Variants in KIR3DL2 observed in about 807,000 individuals in gnomAD.
KIR3DL2 encodes the protein killer cell immunoglobulin-like receptor 3DL2.
Under a neutral mutation model 41.6 loss-of-function variants are expected in KIR3DL2, and 42 were observed. The ratio of observed to expected loss-of-function variants is 1.01; its 90% CI spans 0.79 to 1.31. KIR3DL2 has a LOEUF of 1.31. Ranked by LOEUF, KIR3DL2 falls within the 50% of genes most tolerant of loss-of-function variation. The probability of loss-of-function intolerance (pLI) is 0.00; values close to 1 mark genes in which losing one functional copy is unlikely to be tolerated. For synonymous variants in KIR3DL2, 230 were observed against 221.3 expected, an observed-to-expected ratio of 1.04 and a Z score of -0.35; for missense variants, 728 against 576.8, an observed-to-expected ratio of 1.26 and a Z score of -2.68.
chr19:54,852,322 C>G (rs772262579), intron 3 of KIR3DL2, 40 bp downstream of exon 3: 4 of 1,591,560 alleles, frequency 2.5e-6, no homozygotes, highest in Non-Finnish European at 3.4e-6. Context: ...TGTCCCACCT[C>G]CTGAATCCCA....
In KIR3DL2 at chr19:54,852,033, A is replaced by G. The variant is rs1435731982; in HGVS notation, c.106A>G (p.Ser36Gly). The stretch of plus-strand genomic sequence containing the variant: ...CAAACCCTTCCTGTCTGCCCGGCCC[A>G]GCACTGTGGTGCCTCGAGGAGGACA... The part of the protein sequence containing the change: ...QDKPFLSARP[S>G]TVVPRGGHVA... Residue 36 changes from serine (S) to glycine (G), a missense_variant, in exon 3 of 9, where the codon AGC becomes GGC. Ser to Gly is a moderately conservative substitution (Grantham distance 56). Coordinates refer to ENST00000326321, the MANE Select transcript of KIR3DL2 (RefSeq NM_006737.4). 2.5e-6 allele frequency: 4 copies of G among 1,611,748 alleles called. No homozygotes were observed. The highest frequency in any genetic ancestry group is 3.4e-6 in the Non-Finnish European group (4 of 1,178,822).
chr19:54,852,144 G>A lies in KIR3DL2; in HGVS notation c.217G>A (p.Gly73Ser), dbSNP rs149778550. 4.6e-3 allele frequency: 7,406 copies of A among 1,612,954 alleles called. 34 individuals carry two copies. Among genetic ancestry groups the A allele is most frequent in the Non-Finnish European group, 5.4e-3 (6,338 of 1,179,610 alleles). ...CAGAAGCCACGTTCCCATCTTCCAC[G>A]GCAGAATATTCCAGGAGAGCTTCAT... Reference protein sequence around the residue: ...EDRSHVPIFHGRIFQESFIMG... With the variant: ...EDRSHVPIFHSRIFQESFIMG... Residue 73 changes from glycine to serine, a missense_variant, in exon 3 of 9, where the codon GGC becomes AGC. Transcript: ENST00000326321.
chr19:54,863,639 C>T (rs2065324245), intron 6 of KIR3DL2, among the ~76,000 whole-genome samples: 1 of 152,058 alleles, frequency 6.6e-6, no homozygotes, highest in Non-Finnish European at 1.5e-5. Context: ...TGTTTTTTGG[C>T]TGCATAAATG....
chr19:54,850,865 A>G (rs1438608210), intron 1 of KIR3DL2, among the ~76,000 whole-genome samples: 2 of 123,698 alleles, frequency 1.6e-5, no homozygotes, highest in African/African-American at 6.5e-5. Flanking sequence ...GAGTGGAGAT[A>G]TGGGCCTGGA....
At position 54,865,814 on chromosome 19, in the gene KIR3DL2, G is replaced by C; in HGVS notation, c.1010G>C (p.Arg337Thr). 6.2e-7 allele frequency: 1 copy of C among 1,612,922 alleles called. No individual in the cohort carries two copies. Among genetic ancestry groups the C allele is most frequent in the Non-Finnish European group, 8.5e-7 (1 of 1,179,000 alleles). Residue 337 changes from arginine (R) to threonine (T), a missense_variant, in exon 7 of 9, where the codon AGA becomes ACA. Coordinates refer to ENST00000326321, the MANE Select transcript of KIR3DL2 (RefSeq NM_006737.4). Reference protein sequence around the residue: ...TEPSSKSGICRHLHVLIGTSV... With the variant: ...TEPSSKSGICTHLHVLIGTSV... ...TCCCATCTTCCTCCAGGTATCTGCA[G>C]ACACCTGCATGTTCTGATTGGGACC...
At chr19:54,861,345 T>C (rs1468064057) in intron 6 of KIR3DL2, among the ~76,000 whole-genome samples, 5 of 152,036 alleles carry the variant, frequency 3.3e-5, no homozygotes, top group African/African-American at 1.2e-4. Context: ...TGAAGGGACC[T>C]AGTATAGCAT....
In KIR3DL2 at chr19:54,853,996, C is replaced by T. The variant is rs1034592705; in HGVS notation, c.605C>T (p.Ser202Phe). 5 of 1,613,078 alleles carry T rather than the reference C, an allele frequency of 3.1e-6. No homozygotes were observed. The highest frequency in any genetic ancestry group is 1.1e-5 in the South Asian group (1 of 91,080). The change falls in exon 4 of 9, where the codon TCC becomes TTC. Residue 202 changes from serine (S) to phenylalanine (F), a missense_variant. Transcript: ENST00000326321. Reference sequence around the variant, plus strand: ...AGATGTTATGGTTCTGTTCCTCACTCCCCCTATCAGTTGTCAGCTCCCAGT... The same window carrying T: ...AGATGTTATGGTTCTGTTCCTCACTTCCCCTATCAGTTGTCAGCTCCCAGT... ...TYRCYGSVPH[S>F]PYQLSAPSDP...
At chr19:54,858,170 AT>A (rs1298757468) in intron 5 of KIR3DL2, among the ~76,000 whole-genome samples, 1 of 150,472 alleles carries the variant, frequency 6.6e-6, no homozygotes, top group Non-Finnish European at 1.5e-5. Flanking sequence ...CTAATGGTCT[AT>A]TTTTTGCTTT....
chr19:54,861,946 A>C (rs1402330266), intron 6 of KIR3DL2, among the ~76,000 whole-genome samples: 1 of 151,696 alleles, frequency 6.6e-6, no homozygotes, highest in Non-Finnish European at 1.5e-5. Context: ...CCTACTTCCA[A>C]TCACCTGTGG....
intron 6 of KIR3DL2, among the ~76,000 whole-genome samples, chr19:54,861,434 T>C (rs2065174368): frequency 6.6e-6 from 1 of 151,930 alleles, no homozygotes; most frequent in South Asian, 2.1e-4. Context: ...TCACATGAAG[T>C]CAGGAGTTCG....
At chr19:54,859,154 C>T (rs2065000890) in intron 6 of KIR3DL2, 25 bp downstream of exon 6, 3 of 1,603,496 alleles carry the variant, frequency 1.9e-6, no homozygotes, top group Non-Finnish European at 2.6e-6. Context: ...CCTCTTATCT[C>T]TGCTTTTGGA....
At chr19:54,861,097 A>G (rs2065143030) in intron 6 of KIR3DL2, among the ~76,000 whole-genome samples, 1 of 148,654 alleles carries the variant, frequency 6.7e-6, no homozygotes, top group Admixed American at 6.9e-5. Context: ...GAGACCGTGG[A>G]AAAGGCAATT....
At chr19:54,860,142 T>C (rs2065071455) in intron 6 of KIR3DL2, among the ~76,000 whole-genome samples, 1 of 152,050 alleles carries the variant, frequency 6.6e-6, no homozygotes, top group Non-Finnish European at 1.5e-5. Context: ...TCCTTTCATG[T>C]AAAATAACAT....
Position 54,866,878 on chromosome 19 carries a change from A to T in KIR3DL2, c.*147A>T. ...CCTCTCTCTTGCTTACAAATGCCTA[A>T]GGTCGCCACTGCCTGCTGCAGAGAA... On this transcript the variant is annotated 3_prime_UTR_variant, in exon 9 of 9. Transcript: ENST00000326321. 1.1e-6 allele frequency: 1 copy of T among 908,370 alleles called. No individual in the cohort carries two copies. The highest frequency in any genetic ancestry group is 2.7e-4 in the Middle Eastern group (1 of 3,752). The allele number at this position is 908,370 out of a possible 1,614,324, so 56.3% of individuals were successfully genotyped here. A position where few individuals can be genotyped will look rare whatever the true frequency, so the allele number is the denominator to read the frequency against.
intron 1 of KIR3DL2, 50 bp downstream of exon 1, chr19:54,850,559 G>C: frequency 6.2e-7 from 1 of 1,606,394 alleles, no homozygotes; most frequent in Non-Finnish European, 8.5e-7. Flanking sequence ...TGGAGATCTC[G>C]GCCTAGAGGT....
At chr19:54,863,908 GT>G (rs2065342154) in intron 6 of KIR3DL2, among the ~76,000 whole-genome samples, 1 of 152,062 alleles carries the variant, frequency 6.6e-6, no homozygotes, top group Non-Finnish European at 1.5e-5. Context: ...TGCTTTTGGT[GT>G]TTTAGACATG....
At chr19:54,851,174 C>G (rs2064196377) in intron 1 of KIR3DL2, 46 bp from the exon 2 acceptor site, 12 of 1,608,344 alleles carry the variant, frequency 7.5e-6, no homozygotes, top group South Asian at 1.1e-5. Flanking sequence ...GCAGGGTGCC[C>G]TGGTTTGCCT....
chr19:54,856,988 G>C (rs1296718540), intron 5 of KIR3DL2, among the ~76,000 whole-genome samples: 1 of 152,092 alleles, frequency 6.6e-6, no homozygotes, highest in African/African-American at 2.4e-5. Flanking sequence ...AACAGTGCTG[G>C]AACAGTCATA....
Position 54,859,100 on chromosome 19 carries a change from C to T in KIR3DL2, c.971C>T (p.Pro324Leu), listed in dbSNP as rs2064997604. 131 of 1,613,704 alleles carry T rather than the reference C, an allele frequency of 8.1e-5. 2 individuals carry two copies. In the South Asian group the frequency reaches 1.4e-3, roughly 17 times the overall value. Reference sequence around the variant, plus strand: ...CTAGGAAACCCTTCAAGTAGTTGGCCTTCACCCACAGAACCAAGCTCCAAA... The same window carrying T: ...CTAGGAAACCCTTCAAGTAGTTGGCTTTCACCCACAGAACCAAGCTCCAAA... ...SVTGNPSSSW[P>L]SPTEPSSKSG... Residue 324 changes from proline (P) to leucine (L), a missense_variant, in exon 6 of 9, where the codon CCT becomes CTT. Transcript: ENST00000326321.
Sources: allele counts gnomAD v4.1 joint callset (sites outside exome capture counted in the v4.1 genomes callset), GRCh38; gene constraint gnomAD v4.1.1; transcripts MANE v1.5; gene names NCBI Gene and HGNC (gene_info 2026-07-23, HGNC 2026-07-21).